The following KIAA0513 variants were observed in gnomAD, a reference collection of about 807,000 sequenced individuals.
KIAA0513 encodes the protein KIAA0513.
A neutral mutation model predicts 56.5 loss-of-function variants in KIAA0513; 39 were observed. That is an observed-to-expected ratio of 0.69 (90% CI 0.53 to 0.90). The LOEUF is 0.90. KIAA0513 is among the 40% of genes least tolerant of loss of function. KIAA0513 has a pLI of 0.00. For missense variants in KIAA0513, 591 were observed against 535.2 expected (o/e 1.10, Z -1.03); for synonymous variants, 268 against 215.6 (o/e 1.24, Z -2.13).
intron 1 of KIAA0513, among the ~76,000 whole-genome samples, chr16:85,062,191 C>G (rs1467737829): frequency 6.7e-6 from 1 of 148,774 alleles, no homozygotes; most frequent in African/African-American, 2.6e-5. Flanking sequence ...TCCCCTCTCC[C>G]TGCCCCTGGT....
At chr16:85,049,151 G>A (rs1414613990) in intron 1 of KIAA0513, among the ~76,000 whole-genome samples, 11 of 152,350 alleles carry the variant, frequency 7.2e-5, no homozygotes, top group Non-Finnish European at 1.6e-4. Context: ...GAGCGCCTTG[G>A]GCCCCAGCCA....
intron 1 of KIAA0513, among the ~76,000 whole-genome samples, chr16:85,050,811 G>C (rs1345562158): frequency 6.6e-6 from 1 of 152,152 alleles, no homozygotes; most frequent in Non-Finnish European, 1.5e-5. Flanking sequence ...TGCACTGCCT[G>C]CCGTGTGCCC....
intron 1 of KIAA0513, among the ~76,000 whole-genome samples, chr16:85,053,097 C>A (rs1567528844): frequency 6.6e-6 from 1 of 152,094 alleles, no homozygotes; most frequent in Admixed American, 6.6e-5. Context: ...CCATGTTGGC[C>A]AGGCTGGTCT....
intron 1 of KIAA0513, among the ~76,000 whole-genome samples, chr16:85,034,610 C>T (rs1331495192): frequency 6.6e-6 from 1 of 152,022 alleles, no homozygotes; most frequent in Non-Finnish European, 1.5e-5. Flanking sequence ...GGAAGGAAGG[C>T]GATGGGGGCA....
chr16:85,038,134 G>A (rs761214308), intron 1 of KIAA0513, among the ~76,000 whole-genome samples: 2 of 152,174 alleles, frequency 1.3e-5, no homozygotes, highest in South Asian at 2.1e-4. Flanking sequence ...CTCCTTCCAC[G>A]CCACCTCTGT....
chr16:85,046,531 C>T (rs2073173486), intron 1 of KIAA0513, among the ~76,000 whole-genome samples: 1 of 152,216 alleles, frequency 6.6e-6, no homozygotes, highest in South Asian at 2.1e-4. Flanking sequence ...TCCTCATTCT[C>T]ACAAGAAAGA....
At chr16:85,055,295 A>G (rs1036894554) in intron 1 of KIAA0513, among the ~76,000 whole-genome samples, 3 of 152,116 alleles carry the variant, frequency 2.0e-5, no homozygotes, top group South Asian at 4.1e-4. Context: ...TTGTCTCTAG[A>G]CAGTACCATG....
At position 85,084,317 on chromosome 16, in the gene KIAA0513, C is replaced by T. The variant is rs1397379586; in HGVS notation, c.1010+1724C>T. On this transcript the variant is annotated intron_variant, in intron 10 of 12. Coordinates refer to ENST00000683363, the MANE Select transcript of KIAA0513 (RefSeq NM_001388359.1). The stretch of plus-strand genomic sequence containing the variant: ...CTGGAGTACAGTGGTGCGATCTCGG[C>T]TCACTGTAACCTCTGCCTCCCAGGT... Among the ~76,000 whole-genome samples the T allele has an allele frequency of 3.3e-5, 5 of 151,330 alleles. No homozygotes were observed. The South Asian group carries it at 8.4e-4, about 25-fold the overall frequency.
At chr16:85,075,446 G>A (rs954911329) in intron 4 of KIAA0513, among the ~76,000 whole-genome samples, 33 of 152,184 alleles carry the variant, frequency 2.2e-4, no homozygotes, top group Non-Finnish European at 4.4e-4. Flanking sequence ...CCAGGGATGC[G>A]GGGAAGGTCA....
intron 1 of KIAA0513, among the ~76,000 whole-genome samples, chr16:85,044,884 C>T (rs553772195): frequency 1.8e-4 from 28 of 151,776 alleles, no homozygotes; most frequent in South Asian, 1.0e-3. Context: ...TTTGGGAGGC[C>T]GAGGCAGGTG....
At chr16:85,084,228 A>G (rs929384303) in intron 10 of KIAA0513, among the ~76,000 whole-genome samples, 17 of 143,556 alleles carry the variant, frequency 1.2e-4, no homozygotes, top group African/African-American at 4.4e-4. Flanking sequence ...TGCCCAGCTA[A>G]TTTCTCTTTT....
Position 85,088,259 on chromosome 16 carries a change from A to G in KIAA0513, c.1187-17A>G, listed in dbSNP as rs1306086457. 3 of 1,610,450 alleles carry G rather than the reference A, an allele frequency of 1.9e-6. No homozygotes were observed. The highest frequency in any genetic ancestry group is 2.5e-6 in the Non-Finnish European group (3 of 1,177,828). Reference sequence around the variant, plus strand: ...CACTGTCTTTCATCTGAGAAATAACATCACTTTCTCTTCCAGAGCAATACA... The same window carrying G: ...CACTGTCTTTCATCTGAGAAATAACGTCACTTTCTCTTCCAGAGCAATACA... On this transcript the variant is annotated splice_polypyrimidine_tract_variant and intron_variant, in intron 12 of 12. Transcript: ENST00000683363.
At chr16:85,053,393 C>A (rs1801544710) in intron 1 of KIAA0513, among the ~76,000 whole-genome samples, 1 of 152,214 alleles carries the variant, frequency 6.6e-6, no homozygotes, top group African/African-American at 2.4e-5. Flanking sequence ...TTGTGTCATT[C>A]TGTAAGTTAA....
chr16:85,066,015 C>A (rs1228975483), intron 1 of KIAA0513, among the ~76,000 whole-genome samples: 2 of 152,178 alleles, frequency 1.3e-5, no homozygotes, highest in East Asian at 1.9e-4. Flanking sequence ...AGCATGGCTA[C>A]GGTGGTGCCA....
Position 85,053,052 on chromosome 16 carries a change from G to A in KIAA0513, c.-172-13848G>A, listed in dbSNP as rs545948033. Among the ~76,000 whole-genome samples the A allele has an allele frequency of 1.3e-3, 203 of 151,934 alleles. 1 individual carries two copies. The highest frequency in any genetic ancestry group is 3.9e-3 in the African/African-American group (162 of 41,436). ...ACAGGTGCCCACCACCACACCCAGC[G>A]AATTTTTGTAGTTTTTAATAGAAAC... On this transcript the variant is annotated intron_variant, in intron 1 of 12. Coordinates refer to ENST00000683363, the MANE Select transcript of KIAA0513 (RefSeq NM_001388359.1).
rs2073670798 is a variant in KIAA0513 at position 85,077,360 on chromosome 16, C to G, written c.575-65C>G. The G allele has an allele frequency of 3.3e-6, 5 of 1,497,592 alleles. No individual in the cohort carries two copies. In the East Asian group the frequency reaches 9.1e-5, roughly 27 times the overall value. The allele number at this position is 1,497,592 out of a possible 1,614,324, so 92.8% of individuals were successfully genotyped here. On this transcript the variant is annotated intron_variant, in intron 5 of 12. Coordinates refer to ENST00000683363, the MANE Select transcript of KIAA0513 (RefSeq NM_001388359.1). The stretch of plus-strand genomic sequence containing the variant: ...GACCCCTGCGGGGCTCCCTCTGGGC[C>G]TCTGCAGTTAGCAGGCGCATACCCC...
intron 1 of KIAA0513, among the ~76,000 whole-genome samples, chr16:85,030,512 C>G (rs910852861): frequency 6.6e-6 from 1 of 151,976 alleles, no homozygotes; most frequent in African/African-American, 2.4e-5. Context: ...TTTGGGAGGC[C>G]GAGGCAGGTG....
intron 4 of KIAA0513, 31 bp from the exon 5 acceptor site, chr16:85,075,813 C>CT: frequency 6.2e-7 from 1 of 1,611,962 alleles, no homozygotes; most frequent in Non-Finnish European, 8.5e-7. Context: ...GTGGAGCGAT[C>CT]TTTAGCCATG....
intron 2 of KIAA0513, among the ~76,000 whole-genome samples, chr16:85,070,033 T>A (rs925310889): frequency 2.7e-5 from 4 of 150,676 alleles, no homozygotes; most frequent in African/African-American, 4.9e-5. Context: ...TAGCCAGGCA[T>A]GGTGGCATGT....
Sources: gnomAD v4.1 joint callset for allele counts (sites outside exome capture counted in the v4.1 genomes callset) on GRCh38, gnomAD v4.1.1 for gene constraint, MANE v1.5 for transcripts, NCBI Gene and HGNC (gene_info 2026-07-23, HGNC 2026-07-21) for gene names.